Variants in RELN observed in about 807,000 individuals in gnomAD.
RELN encodes the protein reelin.
Under a neutral mutation model 427.6 loss-of-function variants are expected in RELN, and 108 were observed. That is an observed-to-expected ratio of 0.25 (90% CI 0.22 to 0.30). RELN has a LOEUF of 0.30. RELN is among the 10% of genes least tolerant of loss of function. The probability of loss-of-function intolerance (pLI) is 1.00; values close to 1 mark genes in which losing one functional copy is unlikely to be tolerated. For missense variants in RELN, 3,715 were observed against 4,302.8 expected (o/e 0.86, Z 3.82); for synonymous variants, 1,524 against 1,513.4 (o/e 1.01, Z -0.16).
rs537089459 is a variant in RELN at position 103,572,263 on chromosome 7, G to A, written c.4512-3C>T. ...TTTGTATATAAAATTGAACAAGTCTGGGGAATAAAAACTTTAGTTTACTTA... is the reference window on the plus strand; with the variant it reads ...TTTGTATATAAAATTGAACAAGTCTAGGGAATAAAAACTTTAGTTTACTTA... On this transcript the variant is annotated splice_region_variant and splice_polypyrimidine_tract_variant and intron_variant, in intron 30 of 64. Transcript: ENST00000428762. 6.5e-7 allele frequency: 1 copy of A among 1,536,028 alleles called. No individual in the cohort carries two copies. Among genetic ancestry groups the A allele is most frequent in the South Asian group, 1.1e-5 (1 of 89,512 alleles).
At chr7:103,937,346 G>A (rs920877628) in intron 1 of RELN, among the ~76,000 whole-genome samples, 1 of 152,162 alleles carries the variant, frequency 6.6e-6, no homozygotes, top group African/African-American at 2.4e-5. Context: ...ATGTTTTGTT[G>A]GGATAGCACA....
At chr7:103,936,546 G>T (rs1584382661) in intron 1 of RELN, among the ~76,000 whole-genome samples, 1 of 151,888 alleles carries the variant, frequency 6.6e-6, no homozygotes, top group African/African-American at 2.4e-5. Context: ...TTATTCCTTG[G>T]ATATAAGACA....
chr7:103,792,858 T>C (rs916407679), intron 3 of RELN, among the ~76,000 whole-genome samples: 1 of 152,080 alleles, frequency 6.6e-6, no homozygotes, highest in African/African-American at 2.4e-5. Context: ...GATAAGCTAA[T>C]AGGAAATGGA....
chr7:103,599,991 G>A (rs1831627251), intron 24 of RELN, among the ~76,000 whole-genome samples: 1 of 152,162 alleles, frequency 6.6e-6, no homozygotes, highest in Non-Finnish European at 1.5e-5. Context: ...CAAATGCCTA[G>A]GCTCAAGCGA....
chr7:103,632,780 G>A (rs909613400), intron 19 of RELN, among the ~76,000 whole-genome samples: 7 of 151,600 alleles, frequency 4.6e-5, no homozygotes, highest in Admixed American at 1.3e-4. Context: ...GAAACAAAGA[G>A]GAGACCAAAT....
At position 103,650,383 on chromosome 7, in the gene RELN, C is replaced by T. The variant is rs1471133005; in HGVS notation, c.1893G>A (p.Gly631=). The part of the protein sequence containing the change: ...STVYSSENYS[G]WNRITIPLPN... ...GAAGGGGAATTGTTATTCGGTTCCA[C>T]CTGCAAGAAATTTAGCACAAAACCA... Residue 631 remains glycine (G), a splice_region_variant and synonymous_variant, in exon 16 of 65, where the codon GGG becomes GGA. Transcript: ENST00000428762. The T allele has an allele frequency of 1.3e-6, 2 of 1,592,518 alleles. No individual in the cohort carries two copies. The highest frequency in any genetic ancestry group is 8.6e-7 in the Non-Finnish European group (1 of 1,160,868).
intron 1 of RELN, among the ~76,000 whole-genome samples, chr7:103,947,765 C>T (rs921172806): frequency 6.6e-6 from 1 of 152,166 alleles, no homozygotes; most frequent in Non-Finnish European, 1.5e-5. Context: ...TTTCCCAGTG[C>T]AGCTGCAATC....
At chr7:103,571,851 C>T (rs948301385) in intron 31 of RELN, among the ~76,000 whole-genome samples, 14 of 152,148 alleles carry the variant, frequency 9.2e-5, no homozygotes, top group Non-Finnish European at 2.9e-5. Context: ...TCTCTAGCTT[C>T]CATGCTATAT....
intron 1 of RELN, among the ~76,000 whole-genome samples, chr7:103,925,180 C>T (rs754816577): frequency 4.6e-5 from 7 of 151,978 alleles, no homozygotes; most frequent in African/African-American, 1.2e-4. Flanking sequence ...TTGAAATCTC[C>T]GAAGACTGTC....
At chr7:103,963,755 A>C (rs939561252) in intron 1 of RELN, among the ~76,000 whole-genome samples, 1 of 152,228 alleles carries the variant, frequency 6.6e-6, no homozygotes, top group African/African-American at 2.4e-5. Flanking sequence ...TGTTATGGGG[A>C]TATCAGTATC....
intron 8 of RELN, among the ~76,000 whole-genome samples, chr7:103,707,219 G>C (rs1422399912): frequency 6.6e-6 from 1 of 151,908 alleles, no homozygotes; most frequent in Non-Finnish European, 1.5e-5. Flanking sequence ...ATCAATGTGA[G>C]ACCCTCCTAA....
At chr7:103,717,613 A>C (rs1387300799) in intron 8 of RELN, among the ~76,000 whole-genome samples, 1 of 151,870 alleles carries the variant, frequency 6.6e-6, no homozygotes, top group African/African-American at 2.4e-5. Flanking sequence ...AAACATATGT[A>C]TTATTTTTGC....
At chr7:103,677,489 G>A (rs1479678429) in intron 11 of RELN, among the ~76,000 whole-genome samples, 1 of 144,042 alleles carries the variant, frequency 6.9e-6, no homozygotes, top group African/African-American at 2.6e-5. Context: ...GTGAGGGCCG[G>A]GCACGGTGGC....
chr7:103,507,992 C>T (rs996202737), intron 51 of RELN, among the ~76,000 whole-genome samples: 9 of 152,002 alleles, frequency 5.9e-5, no homozygotes, highest in South Asian at 4.1e-4. Flanking sequence ...AGGAAGAAGT[C>T]GAATCCCTGA....
intron 10 of RELN, among the ~76,000 whole-genome samples, chr7:103,690,482 A>G (rs1344179488): frequency 1.3e-5 from 2 of 152,176 alleles, no homozygotes; most frequent in Non-Finnish European, 2.9e-5. Context: ...CAGCTATTCT[A>G]GTAACTGCAG....
intron 2 of RELN, among the ~76,000 whole-genome samples, chr7:103,844,020 T>C (rs1039739429): frequency 1.2e-4 from 18 of 152,194 alleles, no homozygotes; most frequent in Non-Finnish European, 2.2e-4. Flanking sequence ...CAGAAATATA[T>C]TCTGCCTCAC....
chr7:103,762,657 C>A (rs1415203981), intron 4 of RELN, among the ~76,000 whole-genome samples: 1 of 152,164 alleles, frequency 6.6e-6, no homozygotes, highest in African/African-American at 2.4e-5. Context: ...CATCAGCAAG[C>A]CAATATTACT....
In RELN at chr7:103,723,823, CA is replaced by C. The variant is rs200796231; in HGVS notation, c.754-633del. Among the ~76,000 whole-genome samples, 1,226 of 151,332 alleles carry C rather than the reference CA, an allele frequency of 8.1e-3. 10 individuals are homozygous for C. The highest frequency in any genetic ancestry group is 0.038 in the Middle Eastern group (11 of 292). ...GATTATTTCTCAATAAAACTGTTAC[CA>C]AAAAAAATGAAGAAAAGAAATAGAA... On this transcript the variant is annotated intron_variant, in intron 7 of 64. Coordinates refer to ENST00000428762, the MANE Select transcript of RELN (RefSeq NM_005045.4).
At chr7:103,944,668 T>C (rs1219489042) in intron 1 of RELN, among the ~76,000 whole-genome samples, 1 of 152,166 alleles carries the variant, frequency 6.6e-6, no homozygotes, top group Non-Finnish European at 1.5e-5. Context: ...GATAAAATTC[T>C]AGCAGGTGCA....
Sources: allele counts gnomAD v4.1 joint callset (sites outside exome capture counted in the v4.1 genomes callset), GRCh38; gene constraint gnomAD v4.1.1; transcripts MANE v1.5; gene names NCBI Gene and HGNC (gene_info 2026-07-23, HGNC 2026-07-21).